The following PARD3 variants were observed in gnomAD, a reference collection of about 807,000 sequenced individuals.
PARD3 encodes the protein partitioning defective 3 homolog.
In PARD3, 75 loss-of-function variants were observed where a neutral mutation model predicts 155.4. The observed-to-expected ratio is 0.48, with a 90% confidence interval of 0.40 to 0.58. The LOEUF is 0.58. Ranked by LOEUF, PARD3 falls within the 20% of genes least tolerant of loss-of-function variation. The pLI is 0.00. For missense variants in PARD3, 1,642 were observed against 1,721.7 expected (o/e 0.95, Z 0.82); for synonymous variants, 576 against 610.5 (o/e 0.94, Z 0.83).
intron 1 of PARD3, among the ~76,000 whole-genome samples, chr10:34,792,068 TG>T (rs1029143646): frequency 2.6e-5 from 4 of 152,090 alleles, no homozygotes. Flanking sequence ...TGCGCCCAGG[TG>T]CTCGCTTGCT....
intron 22 of PARD3, among the ~76,000 whole-genome samples, chr10:34,194,378 A>G (rs1466104676): frequency 6.6e-6 from 1 of 152,142 alleles, no homozygotes; most frequent in East Asian, 1.9e-4. Flanking sequence ...CAGCAGGTTC[A>G]GGAGCTGCCT....
chr10:34,420,329 G>A (rs1163562426), intron 5 of PARD3, among the ~76,000 whole-genome samples: 2 of 152,160 alleles, frequency 1.3e-5, no homozygotes, highest in South Asian at 2.1e-4. Context: ...CTGTAGATAC[G>A]TGAAGAGGGA....
intron 1 of PARD3, among the ~76,000 whole-genome samples, chr10:34,698,262 C>T (rs906573677): frequency 1.3e-5 from 2 of 152,198 alleles, no homozygotes; most frequent in African/African-American, 4.8e-5. Context: ...GTAGCCACCC[C>T]TTGGAAATAA....
chr10:34,574,745 C>A (rs2086755662), intron 2 of PARD3, among the ~76,000 whole-genome samples: 1 of 152,166 alleles, frequency 6.6e-6, no homozygotes, highest in Admixed American at 6.5e-5. Flanking sequence ...AGCTCCTTCT[C>A]CCTGTCCCTC....
chr10:34,239,400 T>C (rs925771068), intron 22 of PARD3, among the ~76,000 whole-genome samples: 1 of 152,164 alleles, frequency 6.6e-6, no homozygotes, highest in Non-Finnish European at 1.5e-5. Flanking sequence ...GGGGAAGAAG[T>C]GTCAAGGCAG....
At chr10:34,722,502 C>A (rs994073730) in intron 1 of PARD3, among the ~76,000 whole-genome samples, 1 of 152,120 alleles carries the variant, frequency 6.6e-6, no homozygotes, top group East Asian at 1.9e-4. Context: ...ACTGAAGAAC[C>A]AGCCTGGCCA....
chr10:34,484,732 C>G (rs956050608), intron 3 of PARD3, among the ~76,000 whole-genome samples: 1 of 152,188 alleles, frequency 6.6e-6, no homozygotes, highest in African/African-American at 2.4e-5. Context: ...GTACACAGCA[C>G]TACAGGAACA....
intron 20 of PARD3, among the ~76,000 whole-genome samples, chr10:34,300,068 T>C (rs573158955): frequency 2.6e-5 from 4 of 152,166 alleles, no homozygotes; most frequent in Non-Finnish European, 4.4e-5. Context: ...AAATTAAAAA[T>C]GCATGTACAA....
At chr10:34,653,652 G>A (rs927722995) in intron 2 of PARD3, among the ~76,000 whole-genome samples, 3 of 152,008 alleles carry the variant, frequency 2.0e-5, no homozygotes, top group Non-Finnish European at 4.4e-5. Context: ...AGGTGTGGTG[G>A]TGCACCTGTG....
chr10:34,769,254 A>G (rs1474672831), intron 1 of PARD3, among the ~76,000 whole-genome samples: 1 of 151,816 alleles, frequency 6.6e-6, no homozygotes, highest in Admixed American at 6.6e-5. Context: ...GGCGACCACC[A>G]GGGCTAGGTC....
chr10:34,696,402 T>C lies in PARD3; in HGVS notation c.138A>G (p.Ile46Met). The change falls in exon 2 of 25, where the codon ATA becomes ATG. Residue 46 changes from isoleucine to methionine, a missense_variant. Ile to Met is a conservative substitution (Grantham distance 10). This residue lies in a region of PARD3 where 75 missense variants were observed against 65.3 expected (regional missense o/e 1.15). Transcript: ENST00000374788. Reference sequence around the variant, plus strand: ...CTCCATGTTCCAAGCGATGCACCTGTATCCAGTAGTTTGGATCCTATACGA... The same window carrying C: ...CTCCATGTTCCAAGCGATGCACCTGCATCCAGTAGTTTGGATCCTATACGA... ...KAIAKDPNYWIQVHRLEHGDG... is the reference protein window; with the variant it reads ...KAIAKDPNYWMQVHRLEHGDG... 1 of 1,606,992 alleles carries C rather than the reference T, an allele frequency of 6.2e-7. No individual in the cohort carries two copies. The highest frequency in any genetic ancestry group is 8.5e-7 in the Non-Finnish European group (1 of 1,173,536).
At chr10:34,261,693 AAAGAAAGG>A (rs201915645) in intron 22 of PARD3, among the ~76,000 whole-genome samples, 1,795 of 114,066 alleles carry the variant, frequency 0.016, 10 homozygotes, top group Non-Finnish European at 0.02. Flanking sequence ...TGTCTCAAAG[AAAGAAAGG>A]AAGAAAGGAA....
chr10:34,147,413 C>CT (rs1206257403), intron 22 of PARD3, among the ~76,000 whole-genome samples: 1 of 149,260 alleles, frequency 6.7e-6, no homozygotes, highest in Admixed American at 6.7e-5. Flanking sequence ...AGAGTTTTTT[C>CT]TTTTTTTCTC....
intron 2 of PARD3, among the ~76,000 whole-genome samples, chr10:34,641,153 A>C (rs1260544740): frequency 2.0e-5 from 3 of 152,204 alleles, no homozygotes; most frequent in African/African-American, 7.2e-5. Flanking sequence ...TCTTCCCTAC[A>C]GCTTTCTATG....
intron 22 of PARD3, among the ~76,000 whole-genome samples, chr10:34,241,773 C>T (rs748937519): frequency 7.2e-5 from 11 of 152,136 alleles, no homozygotes; most frequent in South Asian, 4.1e-4. Flanking sequence ...TCAACACCAA[C>T]GCCAGAAGAA....
intron 22 of PARD3, among the ~76,000 whole-genome samples, chr10:34,160,015 C>T (rs1433815036): frequency 6.6e-6 from 1 of 152,086 alleles, no homozygotes; most frequent in Non-Finnish European, 1.5e-5. Context: ...ATTGGAAGAA[C>T]TGAAAAATCA....
At chr10:34,364,450 G>C (rs2134543108) in intron 12 of PARD3, among the ~76,000 whole-genome samples, 1 of 149,548 alleles carries the variant, frequency 6.7e-6, no homozygotes, top group African/African-American at 2.5e-5. Context: ...TTTTTTTAAA[G>C]ACAGGGTCTT....
rs536367627 is a variant in PARD3, at chr10:34,367,581, G to A, written c.1707+4917C>T. On this transcript the variant is annotated intron_variant, in intron 12 of 24. Transcript: ENST00000374788. Reference sequence around the variant, plus strand: ...TAGCTGTGTGTGTTGGCACGTGCCTGTAATCCCAGCTACTCGGGAGGCTAA... The same window carrying A: ...TAGCTGTGTGTGTTGGCACGTGCCTATAATCCCAGCTACTCGGGAGGCTAA... 2.0e-5 allele frequency among the ~76,000 whole-genome samples: 3 copies of A among 152,232 alleles called. No individual in the cohort carries two copies. The South Asian group carries it at 6.2e-4, about 32-fold the overall frequency.
intron 1 of PARD3, among the ~76,000 whole-genome samples, chr10:34,772,520 G>A (rs1334047906): frequency 1.3e-5 from 2 of 151,004 alleles, no homozygotes; most frequent in Admixed American, 1.3e-4. Flanking sequence ...CGCCGGGCAT[G>A]GTGGCTCACG....
Sources: allele counts gnomAD v4.1 joint callset (sites outside exome capture counted in the v4.1 genomes callset), GRCh38; gene constraint gnomAD v4.1.1; regional missense constraint gnomAD v4.1.1; transcripts MANE v1.5; gene names NCBI Gene and HGNC (gene_info 2026-07-23, HGNC 2026-07-21).